The following TPTE2 variants were observed in gnomAD, a reference collection of about 807,000 sequenced individuals.
TPTE2 encodes the protein phosphatidylinositol 3,4,5-trisphosphate 3-phosphatase TPTE2.
In TPTE2, 53 loss-of-function variants were observed where a neutral mutation model predicts 78.6. The observed-to-expected ratio is 0.67, with a 90% CI of 0.54 to 0.85. TPTE2 has a LOEUF of 0.85. Ranked by LOEUF, TPTE2 falls within the 40% of genes least tolerant of loss-of-function variation. TPTE2 has a pLI of 0.00. For synonymous variants in TPTE2, 175 were observed against 206.2 expected (o/e 0.85, Z 1.30); for missense variants, 461 against 623.0 (o/e 0.74, Z 2.77).
the TPTE2 span, among the ~76,000 whole-genome samples, chr13:19,554,669 T>C: frequency 6.6e-6 from 1 of 152,230 alleles, no homozygotes; most frequent in South Asian, 2.1e-4. Context: ...GCATATGATC[T>C]ATCCTTCAGC....
upstream of TPTE2, among the ~76,000 whole-genome samples, chr13:19,507,089 A>T (rs1869108657): frequency 6.6e-6 from 1 of 152,162 alleles, no homozygotes; most frequent in South Asian, 2.1e-4. Flanking sequence ...GAACATACAC[A>T]CACACAACAC....
chr13:19,427,453 ATAT>A, intron 17 of TPTE2, among the ~76,000 whole-genome samples: 1 of 152,216 alleles, frequency 6.6e-6, no homozygotes, highest in Admixed American at 6.5e-5. Context: ...AATCAATTAA[ATAT>A]TATTATTTAA....
chr13:19,502,353 A>G (rs1012461948), intron 1 of TPTE2, among the ~76,000 whole-genome samples: 1 of 151,406 alleles, frequency 6.6e-6, no homozygotes, highest in Non-Finnish European at 1.5e-5. Flanking sequence ...GCACACGTAT[A>G]TTTATTGTGG....
At chr13:19,446,247 GTAA>G (rs1877827292) in intron 13 of TPTE2, among the ~76,000 whole-genome samples, 1 of 152,134 alleles carries the variant, frequency 6.6e-6, no homozygotes, top group South Asian at 2.1e-4. Context: ...AAAATTGAAT[GTAA>G]TAATAAAGTT....
upstream of TPTE2, among the ~76,000 whole-genome samples, chr13:19,540,311 GT>G (rs991163162): frequency 2.1e-4 from 10 of 47,252 alleles, no homozygotes; most frequent in African/African-American, 4.1e-4. Context: ...TATTATTATG[GT>G]TTTTTTTAAG....
chr13:19,452,983 TTTATTTATTTTATTTTATTTTATTTTATG>T (rs1174678827), intron 10 of TPTE2, among the ~76,000 whole-genome samples: 18 of 24,546 alleles, frequency 7.3e-4, no homozygotes, highest in Admixed American at 2.1e-3. Context: ...TTTATTTTAT[TTTATTTATTTTATTTTATTTTATTTTATG>T]TTATTTTATG....
At chr13:19,548,730 T>A in the TPTE2 span, among the ~76,000 whole-genome samples, 1 of 151,638 alleles carries the variant, frequency 6.6e-6, no homozygotes, top group Non-Finnish European at 1.5e-5. Flanking sequence ...ATTAAAGGCT[T>A]AAATGTGAAA....
chr13:19,447,482 T>C (rs148395335), intron 13 of TPTE2, among the ~76,000 whole-genome samples: 276 of 152,262 alleles, frequency 1.8e-3, no homozygotes, highest in African/African-American at 6.4e-3. Flanking sequence ...AACTATGGTA[T>C]TGTAAATTGC....
At chr13:19,437,665 T>TCC (rs922001612) in intron 14 of TPTE2, among the ~76,000 whole-genome samples, 3 of 152,152 alleles carry the variant, frequency 2.0e-5, no homozygotes, top group Non-Finnish European at 4.4e-5. Context: ...GGGAAGCATG[T>TCC]TGATTACTGA....
chr13:19,478,630 T>C (rs1348851186), intron 4 of TPTE2, among the ~76,000 whole-genome samples: 3 of 152,160 alleles, frequency 2.0e-5, no homozygotes, highest in African/African-American at 7.2e-5. Context: ...AAACTAGAAA[T>C]ACCATTTGAC....
intron 10 of TPTE2, chr13:19,458,603 C>A: frequency 2.1e-6 from 1 of 468,730 alleles, no homozygotes; most frequent in Admixed American, 2.2e-5. Context: ...ACCTGTCTTC[C>A]ACCTGAAGAG....
intron 1 of TPTE2, among the ~76,000 whole-genome samples, chr13:19,521,200 C>T (rs1424052457): frequency 6.6e-6 from 1 of 151,994 alleles, no homozygotes; most frequent in Non-Finnish European, 1.5e-5. Flanking sequence ...GAATTGAAGT[C>T]CTCAACTATT....
intron 1 of TPTE2, among the ~76,000 whole-genome samples, chr13:19,527,254 G>C (rs1174466853): frequency 1.3e-5 from 2 of 152,122 alleles, no homozygotes; most frequent in East Asian, 1.9e-4. Context: ...AGCAGAGTAG[G>C]GTGACTACAG....
intron 10 of TPTE2, among the ~76,000 whole-genome samples, chr13:19,460,083 T>C (rs1242978627): frequency 6.6e-6 from 1 of 152,198 alleles, no homozygotes; most frequent in East Asian, 1.9e-4. Context: ...CCCACTGTGC[T>C]GAAGATCCCC....
chr13:19,534,845 A>G (rs970480429), intron 1 of TPTE2, among the ~76,000 whole-genome samples: 5 of 152,216 alleles, frequency 3.3e-5, no homozygotes, highest in Non-Finnish European at 7.3e-5. Context: ...ACATAATTTA[A>G]AGCTGACTAC....
intron 4 of TPTE2, among the ~76,000 whole-genome samples, chr13:19,481,587 C>T (rs913258816): frequency 3.9e-5 from 6 of 152,058 alleles, no homozygotes; most frequent in African/African-American, 1.4e-4. Flanking sequence ...AAAATGAAAA[C>T]CTGCTTTATT....
chr13:19,464,680 T>C (rs1230289551), intron 9 of TPTE2, among the ~76,000 whole-genome samples, 160 bp from the exon 13 acceptor site: 2 of 152,216 alleles, frequency 1.3e-5, no homozygotes. Flanking sequence ...TCAAATAACA[T>C]ATTAAATTAT....
chr13:19,435,870 G>A (rs1267626689), intron 15 of TPTE2, among the ~76,000 whole-genome samples: 4 of 151,718 alleles, frequency 2.6e-5, no homozygotes, highest in Non-Finnish European at 4.4e-5. Context: ...TGAAAGACTT[G>A]GATCTTTTTT....
intron 3 of TPTE2, among the ~76,000 whole-genome samples, chr13:19,488,231 G>A (rs957841086): frequency 2.0e-5 from 3 of 152,176 alleles, no homozygotes; most frequent in Admixed American, 2.0e-4. Flanking sequence ...CACCCATCTT[G>A]CTTGATTTAG....
Sources: allele counts gnomAD v4.1 joint callset (sites outside exome capture counted in the v4.1 genomes callset), GRCh38; gene constraint gnomAD v4.1.1; transcripts MANE v1.5; gene names NCBI Gene and HGNC (gene_info 2026-07-23, HGNC 2026-07-21).